Variants in CDH4 observed in about 807,000 individuals in gnomAD.
The protein encoded by CDH4 is cadherin-4.
A neutral mutation model predicts 86.0 loss-of-function variants in CDH4; 33 were observed. The ratio of observed to expected loss-of-function variants is 0.38; its 90% CI spans 0.29 to 0.51. The LOEUF (loss-of-function observed/expected upper bound fraction) is 0.51. Among genes scored for constraint, CDH4 ranks in the 20% least tolerant of loss-of-function variants. The pLI is 0.86. For missense variants in CDH4, 1,114 were observed against 1,307.4 expected, an observed-to-expected ratio of 0.85 and a Z score of 2.28; for synonymous variants, 555 against 549.4, an observed-to-expected ratio of 1.01 and a Z score of -0.14.
chr20:61,858,782 T>C lies in CDH4; in HGVS notation c.877+5884T>C, dbSNP rs1249455844. Among the ~76,000 whole-genome samples the C allele has an allele frequency of 2.0e-5, 3 of 152,182 alleles. No homozygotes were observed. The East Asian group carries it at 5.8e-4, about 29-fold the overall frequency. Reference sequence around the variant, plus strand: ...GTGGCGTAGAATTCCGTGGCCTGGGTGTACCGCGGCTTATGAGCCATCCCC... The same window carrying C: ...GTGGCGTAGAATTCCGTGGCCTGGGCGTACCGCGGCTTATGAGCCATCCCC... On this transcript the variant is annotated intron_variant, in intron 6 of 15. Coordinates refer to ENST00000614565, the MANE Select transcript of CDH4 (RefSeq NM_001794.5).
intron 6 of CDH4, among the ~76,000 whole-genome samples, chr20:61,858,099 GTC>G (rs1301741575): frequency 6.6e-6 from 1 of 151,074 alleles, no homozygotes; most frequent in Non-Finnish European, 1.5e-5. Context: ...CTGTGTCTGT[GTC>G]TCTGTTTCTG....
At chr20:61,522,125 G>A (rs1372629478) in intron 2 of CDH4, among the ~76,000 whole-genome samples, 1 of 152,206 alleles carries the variant, frequency 6.6e-6, no homozygotes, top group Non-Finnish European at 1.5e-5. Flanking sequence ...TCGTGACAGT[G>A]GCGTGGGCTC....
chr20:61,661,084 C>CA (rs796435717), intron 2 of CDH4, among the ~76,000 whole-genome samples: 1 of 74,798 alleles, frequency 1.3e-5, no homozygotes. Context: ...GGAGGCATGG[C>CA]GGGGGGGGGG....
chr20:61,416,511 G>A (rs1326161744), intron 2 of CDH4, among the ~76,000 whole-genome samples: 1 of 152,244 alleles, frequency 6.6e-6, no homozygotes, highest in African/African-American at 2.4e-5. Context: ...CCTAATGGGT[G>A]TGAAGTGGTA....
chr20:61,852,694 G>T lies in CDH4; in HGVS notation c.733-60G>T, dbSNP rs191960553. ...ACCCCAGCACCGCGGGTCCCAGGCC[G>T]CTCTCAGCTGAGTGGGGGTGCCCAC... On this transcript the variant is annotated intron_variant, in intron 5 of 15. Transcript: ENST00000614565. The T allele has an allele frequency of 3.2e-6, 5 of 1,560,464 alleles. No individual in the cohort carries two copies. In the African/African-American group the frequency reaches 4.1e-5, roughly 13 times the overall value.
At chr20:61,483,045 A>G (rs1411387693) in intron 2 of CDH4, among the ~76,000 whole-genome samples, 1 of 152,206 alleles carries the variant, frequency 6.6e-6, no homozygotes, top group Non-Finnish European at 1.5e-5. Flanking sequence ...CTAAGTCAGG[A>G]TGGTCCGAAA....
intron 2 of CDH4, among the ~76,000 whole-genome samples, chr20:61,265,695 C>T (rs559945198): frequency 6.6e-6 from 1 of 152,322 alleles, no homozygotes; most frequent in East Asian, 1.9e-4. Context: ...CTTACACAGA[C>T]CTCAGTGGTT....
chr20:61,763,879 G>A (rs192108420), intron 3 of CDH4, among the ~76,000 whole-genome samples: 107 of 152,294 alleles, frequency 7.0e-4, no homozygotes, highest in Non-Finnish European at 1.1e-3. Flanking sequence ...ATGTAGCTTG[G>A]GAGGTGCATA....
At chr20:61,368,159 G>C (rs1039117125) in intron 2 of CDH4, among the ~76,000 whole-genome samples, 2 of 152,118 alleles carry the variant, frequency 1.3e-5, no homozygotes, top group Non-Finnish European at 2.9e-5. Context: ...GTGAGCCGCT[G>C]CGCCCGGCCT....
intron 2 of CDH4, among the ~76,000 whole-genome samples, chr20:61,640,104 G>C (rs2086989345): frequency 6.6e-6 from 1 of 152,104 alleles, no homozygotes; most frequent in African/African-American, 2.4e-5. Context: ...GATGGTTAGT[G>C]GTATATTTTG....
At chr20:61,292,262 G>T (rs2084326405) in intron 2 of CDH4, among the ~76,000 whole-genome samples, 1 of 152,228 alleles carries the variant, frequency 6.6e-6, no homozygotes, top group Admixed American at 6.5e-5. Flanking sequence ...GATTGGAGAA[G>T]AATATGTGGT....
At chr20:61,352,448 G>A (rs1250505626) in intron 2 of CDH4, among the ~76,000 whole-genome samples, 1 of 152,060 alleles carries the variant, frequency 6.6e-6, no homozygotes, top group Non-Finnish European at 1.5e-5. Context: ...CTGAAAATGT[G>A]GCAAACGTCT....
chr20:61,430,965 C>T (rs531333413), intron 2 of CDH4, among the ~76,000 whole-genome samples: 12 of 152,328 alleles, frequency 7.9e-5, no homozygotes, highest in South Asian at 4.1e-4. Context: ...AAAGCATTTC[C>T]CTGTCTCCAA....
At chr20:61,749,517 C>G (rs889765670) in intron 3 of CDH4, among the ~76,000 whole-genome samples, 5 of 152,070 alleles carry the variant, frequency 3.3e-5, no homozygotes, top group African/African-American at 9.7e-5. Flanking sequence ...GGTTTAAAAT[C>G]AAAACATAGT....
intron 4 of CDH4, among the ~76,000 whole-genome samples, chr20:61,828,466 C>T (rs994042287): frequency 6.6e-6 from 1 of 152,202 alleles, no homozygotes; most frequent in Non-Finnish European, 1.5e-5. Flanking sequence ...GTTTCCTCAA[C>T]ACATGAACCA....
chr20:61,454,895 A>C (rs1568851195), intron 2 of CDH4, among the ~76,000 whole-genome samples: 1 of 152,180 alleles, frequency 6.6e-6, no homozygotes, highest in African/African-American at 2.4e-5. Flanking sequence ...TTCCGTGACC[A>C]GGGTAGGAAG....
intron 2 of CDH4, among the ~76,000 whole-genome samples, chr20:61,462,010 G>A (rs1028905): frequency 0.42 from 64,462 of 152,020 alleles, 14,529 homozygotes; most frequent in Admixed American, 0.52. Flanking sequence ...CACAGCACTC[G>A]CGTGCACTTA....
chr20:61,522,759 TTTAA>T (rs1303807057), intron 2 of CDH4, among the ~76,000 whole-genome samples: 1 of 152,078 alleles, frequency 6.6e-6, no homozygotes, highest in Admixed American at 6.5e-5. Context: ...CCGCGGAAAG[TTTAA>T]TTGACGGCCC....
chr20:61,879,285 T>C lies in CDH4; in HGVS notation c.1050+5385T>C, dbSNP rs1459069841. Among the ~76,000 whole-genome samples, 1 of 152,218 alleles carries C rather than the reference T, an allele frequency of 6.6e-6. No homozygotes were observed. The highest frequency in any genetic ancestry group is 2.4e-5 in the African/African-American group (1 of 41,466). ...CAGAGAAGAGCACACATCGGGACCA[T>C]TTCTCCACCAGCCCAGCTTGCCTTG... On this transcript the variant is annotated intron_variant, in intron 7 of 15. Coordinates refer to ENST00000614565, the MANE Select transcript of CDH4 (RefSeq NM_001794.5). The surrounding 1 kb of genome is among the most constrained non-coding windows in gnomAD (Gnocchi z 4.1).
Sources: allele counts gnomAD v4.1 joint callset (sites outside exome capture counted in the v4.1 genomes callset), GRCh38; gene constraint gnomAD v4.1.1; non-coding constraint Gnocchi (gnomAD v3.1); transcripts MANE v1.5; gene names NCBI Gene and HGNC (gene_info 2026-07-23, HGNC 2026-07-21).